SHROOM4: variants seen among roughly 807,000 people sequenced by gnomAD.
SHROOM4 encodes the protein protein Shroom4.
A neutral mutation model predicts 80.3 loss-of-function variants in SHROOM4; 17 were observed. The ratio of observed to expected loss-of-function variants is 0.21; its 90% confidence interval spans 0.14 to 0.32. The LOEUF (loss-of-function observed/expected upper bound fraction) is 0.32, where lower values mean the gene tolerates loss of function less well. Ranked by LOEUF, SHROOM4 falls within the 10% of genes least tolerant of loss-of-function variation. The probability of loss-of-function intolerance (pLI) is 1.00; values close to 1 mark genes in which losing one functional copy is unlikely to be tolerated. For missense variants in SHROOM4, 993 were observed against 1,140.3 expected, an observed-to-expected ratio of 0.87 and a Z score of 1.86; for synonymous variants, 400 against 437.5, an observed-to-expected ratio of 0.91 and a Z score of 1.07.
At chrX:50,780,573 G>A (rs1351027614) in intron 1 of SHROOM4, among the ~76,000 whole-genome samples, 1 of 111,643 alleles carries the variant, frequency 9.0e-6, no homozygotes. Context: ...TGGCACAAAA[G>A]CACTATATGG....
At chrX:50,717,935 A>ATTTC (rs1934007354) in intron 1 of SHROOM4, among the ~76,000 whole-genome samples, 1 of 112,131 alleles carries the variant, frequency 8.9e-6, no homozygotes, top group Non-Finnish European at 1.9e-5. Context: ...CCTTCCAAGG[A>ATTTC]CACTGGAAAT....
intron 1 of SHROOM4, among the ~76,000 whole-genome samples, chrX:50,697,952 G>T (rs1459276265): frequency 8.9e-6 from 1 of 112,019 alleles, no homozygotes; most frequent in Non-Finnish European, 1.9e-5. Context: ...GGCTAACAAA[G>T]AACCACAAAC....
intron 1 of SHROOM4, among the ~76,000 whole-genome samples, chrX:50,745,602 G>GT (rs1284820787): frequency 2.7e-5 from 3 of 111,571 alleles, no homozygotes; most frequent in Non-Finnish European, 3.8e-5. Flanking sequence ...CAATCTTCTT[G>GT]TTTTTTGTGG....
At chrX:50,654,704 C>A (rs1009057931) in intron 2 of SHROOM4, among the ~76,000 whole-genome samples, 5 of 110,143 alleles carry the variant, frequency 4.5e-5, no homozygotes, top group African/African-American at 9.9e-5. Context: ...CTGCCCCACC[C>A]GCCCCATTCC....
chrX:50,685,322 C>A (rs782067550), intron 2 of SHROOM4, among the ~76,000 whole-genome samples: 185 of 111,272 alleles, frequency 1.7e-3, no homozygotes, highest in Non-Finnish European at 2.4e-3. Flanking sequence ...GATATTAGGA[C>A]ACTGGAGGGG....
At chrX:50,749,205 C>T (rs1934851879) in intron 1 of SHROOM4, among the ~76,000 whole-genome samples, 1 of 111,852 alleles carries the variant, frequency 8.9e-6, no homozygotes, top group African/African-American at 3.3e-5. Flanking sequence ...CAGTGAGATC[C>T]TGTGTCAAAA....
chrX:50,761,421 C>G (rs1557268856), intron 1 of SHROOM4, among the ~76,000 whole-genome samples: 2 of 112,260 alleles, frequency 1.8e-5, no homozygotes, highest in African/African-American at 6.5e-5. Flanking sequence ...TACAACCTTT[C>G]CAGTATCTGT....
intron 1 of SHROOM4, among the ~76,000 whole-genome samples, chrX:50,791,868 G>A (rs1222719252): frequency 9.0e-6 from 1 of 110,651 alleles, no homozygotes; most frequent in Non-Finnish European, 1.9e-5. Flanking sequence ...TAGAGCAAGG[G>A]CACAGAAGAG....
At chrX:50,756,901 T>C (rs1427808347) in intron 1 of SHROOM4, among the ~76,000 whole-genome samples, 1 of 112,117 alleles carries the variant, frequency 8.9e-6, no homozygotes, top group African/African-American at 3.2e-5. Flanking sequence ...TTGTATGATA[T>C]ATGATTTATA....
intron 5 of SHROOM4, among the ~76,000 whole-genome samples, chrX:50,626,262 C>T (rs915126730): frequency 8.1e-5 from 9 of 111,645 alleles, no homozygotes; most frequent in African/African-American, 2.6e-4. Flanking sequence ...AGCTACCAAC[C>T]CTCAGTTATT....
intron 5 of SHROOM4, among the ~76,000 whole-genome samples, chrX:50,615,547 A>G (rs1930200653): frequency 8.9e-6 from 1 of 112,266 alleles, no homozygotes; most frequent in African/African-American, 3.2e-5. Context: ...GCACATGTCA[A>G]GTTCACCACT....
chrX:50,669,492 G>A (rs189838278), intron 2 of SHROOM4, among the ~76,000 whole-genome samples: 78 of 110,565 alleles, frequency 7.1e-4, no homozygotes, highest in African/African-American at 2.5e-3. Context: ...GTAGAGTTGG[G>A]GTTTCACTAT....
rs1209166680 is a variant in SHROOM4 at position 50,588,447 on chromosome X, A to AT, written c.*8247dup. Among the ~76,000 whole-genome samples the AT allele has an allele frequency of 8.9e-6, 1 of 112,091 alleles. No homozygotes were observed. The highest frequency in any genetic ancestry group is 1.9e-5 in the Non-Finnish European group (1 of 53,216). Reference sequence around the variant, plus strand: ...ATAATTCCTCACAACACAAGGATGTATTTTTGTTTCCACCATTTGACAGAA... The same window carrying AT: ...ATAATTCCTCACAACACAAGGATGTATTTTTTGTTTCCACCATTTGACAGAA... On this transcript the variant is annotated 3_prime_UTR_variant, in exon 9 of 9. Coordinates refer to ENST00000376020, the MANE Select transcript of SHROOM4 (RefSeq NM_020717.5).
At chrX:50,806,361 G>A (rs782481868) in intron 1 of SHROOM4, among the ~76,000 whole-genome samples, 3 of 112,318 alleles carry the variant, frequency 2.7e-5, no homozygotes, top group African/African-American at 9.7e-5. Context: ...ACTTCAGTGC[G>A]TGGCCAGGAT....
In SHROOM4 at chrX:50,814,186, G is replaced by A. The variant is rs782344554; in HGVS notation, c.-168C>T. The A allele has an allele frequency of 2.2e-6, 1 of 458,014 alleles. No homozygotes were observed. Among genetic ancestry groups the A allele is most frequent in the East Asian group, 3.7e-5 (1 of 26,789 alleles). The allele number at this position is 458,014 out of a possible 1,213,427, so 37.7% of individuals were successfully genotyped here. Reference sequence around the variant, plus strand: ...CTCAGGCAGCGAGCGAGCGCAAGGAGGAAATGACACGGAGCTGGAGAAAGG... The same window carrying A: ...CTCAGGCAGCGAGCGAGCGCAAGGAAGAAATGACACGGAGCTGGAGAAAGG... On this transcript the variant is annotated 5_prime_UTR_variant, in exon 1 of 9. Transcript: ENST00000376020.
intron 1 of SHROOM4, among the ~76,000 whole-genome samples, chrX:50,716,692 T>C (rs966837585): frequency 8.9e-6 from 1 of 111,922 alleles, no homozygotes; most frequent in Non-Finnish European, 1.9e-5. Flanking sequence ...ACTCAGTGGA[T>C]ACTTTGAATC....
chrX:50,604,926 G>A (rs782325383), intron 6 of SHROOM4, among the ~76,000 whole-genome samples: 37 of 112,339 alleles, frequency 3.3e-4, no homozygotes, highest in Non-Finnish European at 6.2e-4. Context: ...CCACTAGCTG[G>A]CTTCTGTGTG....
chrX:50,645,652 G>A (rs782495309), intron 2 of SHROOM4, among the ~76,000 whole-genome samples: 3 of 112,130 alleles, frequency 2.7e-5, no homozygotes, highest in African/African-American at 9.7e-5. Context: ...AAACTTGAGC[G>A]GTTTAGCCAG....
chrX:50,603,398 C>T (rs908868466), intron 6 of SHROOM4, among the ~76,000 whole-genome samples: 1 of 110,847 alleles, frequency 9.0e-6, no homozygotes, highest in Non-Finnish European at 1.9e-5. Flanking sequence ...AAAGAGGTCA[C>T]CCATGACCTC....
Sources: allele counts gnomAD v4.1 joint callset (sites outside exome capture counted in the v4.1 genomes callset), GRCh38; gene constraint gnomAD v4.1.1; transcripts MANE v1.5; gene names NCBI Gene and HGNC (gene_info 2026-07-23, HGNC 2026-07-21).